Variants in NCAPH observed in about 807,000 individuals in gnomAD.
The protein encoded by NCAPH is non-SMC condensin I complex subunit H, also known as condensin complex subunit 2.
Under a neutral mutation model 85.5 loss-of-function variants are expected in NCAPH, and 38 were observed. That is an observed-to-expected ratio of 0.44 (90% CI 0.34 to 0.58). NCAPH has a LOEUF of 0.58. Ranked by LOEUF, NCAPH falls within the 20% of genes least tolerant of loss-of-function variation. The pLI is 0.01. For missense variants in NCAPH, 789 were observed against 916.6 expected (o/e 0.86, Z 1.80); for synonymous variants, 301 against 335.1 (o/e 0.90, Z 1.11).
chr2:96,351,972 C>T lies in NCAPH; in HGVS notation c.862C>T (p.Pro288Ser). The T allele has an allele frequency of 3.1e-6, 5 of 1,614,068 alleles. No individual in the cohort carries two copies. The highest frequency in any genetic ancestry group is 4.2e-6 in the Non-Finnish European group (5 of 1,179,996). ...SDVQTLSTGE[P>S]LELPELGCVE... ...TGTCCAGACTCTCTCCACGGGAGAA[C>T]CTCTCGAGTTGCCAGAGTTAGGTTG... is the stretch of plus-strand genomic sequence containing the variant. The change falls in exon 7 of 18, where the codon CCT becomes TCT. Residue 288 changes from proline to serine, a missense_variant. Transcript: ENST00000240423.
intron 6 of NCAPH, among the ~76,000 whole-genome samples, chr2:96,348,186 C>G (rs1028004863): frequency 6.6e-6 from 1 of 150,978 alleles, no homozygotes; most frequent in Non-Finnish European, 1.5e-5. Flanking sequence ...GCCAAGGTCT[C>G]TCTCTTTTTT....
At chr2:96,352,542 C>T (rs1415729553) in intron 7 of NCAPH, among the ~76,000 whole-genome samples, 2 of 152,184 alleles carry the variant, frequency 1.3e-5, no homozygotes, top group Non-Finnish European at 2.9e-5. Context: ...CCCATATACG[C>T]CTCCACGCCT....
chr2:96,372,687 C>T (rs1325387644), intron 17 of NCAPH, among the ~76,000 whole-genome samples: 3 of 152,130 alleles, frequency 2.0e-5, no homozygotes, highest in Admixed American at 2.0e-4. Context: ...CCCAGGTCAA[C>T]TGTTGGTGGT....
chr2:96,357,288 G>T (rs1434441148), intron 9 of NCAPH, among the ~76,000 whole-genome samples: 1 of 152,206 alleles, frequency 6.6e-6, no homozygotes, highest in Non-Finnish European at 1.5e-5. Flanking sequence ...AAGAAATACA[G>T]AGTTTTCCTG....
chr2:96,341,465 C>T (rs2064293184), intron 1 of NCAPH, 177 bp from the exon 2 acceptor site: 3 of 720,902 alleles, frequency 4.2e-6, no homozygotes, highest in South Asian at 2.0e-5. Flanking sequence ...CCTATGGCCT[C>T]CCCCCTGCAC....
chr2:96,362,569 G>A (rs2064639575), intron 12 of NCAPH, among the ~76,000 whole-genome samples: 1 of 144,122 alleles, frequency 6.9e-6, no homozygotes, highest in Non-Finnish European at 1.5e-5. Flanking sequence ...GGTGGAGGTT[G>A]CAGTGAACTG....
At chr2:96,343,051 C>T in intron 4 of NCAPH, 115 bp from the exon 5 acceptor site, 1 of 1,411,880 alleles carries the variant, frequency 7.1e-7, no homozygotes, top group Non-Finnish European at 9.7e-7. Flanking sequence ...ATAGAGGGAT[C>T]TTTGTCATTG....
chr2:96,345,466 C>T (rs2064350203), intron 6 of NCAPH, among the ~76,000 whole-genome samples: 1 of 152,214 alleles, frequency 6.6e-6, no homozygotes, highest in Admixed American at 6.5e-5. Context: ...GTGGGCTCTG[C>T]TGCAGCCGGG....
At position 96,375,588 on chromosome 2, in the gene NCAPH, CTG is replaced by C. The variant is rs2064823482; in HGVS notation, c.*2240_*2241del. Among the ~76,000 whole-genome samples the C allele has an allele frequency of 2.0e-5, 3 of 152,176 alleles. No individual in the cohort carries two copies. The South Asian group carries it at 6.2e-4, about 32-fold the overall frequency. On this transcript the variant is annotated 3_prime_UTR_variant, in exon 18 of 18. Transcript: ENST00000240423. ...ATCTTGGACTTCTCAGCCTCTAGAA[CTG>C]TGAACAATAAATCTATTGTTTATAA...
intron 17 of NCAPH, among the ~76,000 whole-genome samples, chr2:96,372,431 C>G (rs1421309156): frequency 6.6e-6 from 1 of 152,066 alleles, no homozygotes; most frequent in South Asian, 2.1e-4. Flanking sequence ...ATATAGTAGC[C>G]CCCTGTTTCC....
intron 1 of NCAPH, among the ~76,000 whole-genome samples, chr2:96,336,257 A>G (rs2064213370): frequency 6.6e-6 from 1 of 152,188 alleles, no homozygotes; most frequent in Non-Finnish European, 1.5e-5. Flanking sequence ...GCATGCATGC[A>G]TTTATTTTTG....
At chr2:96,359,216 T>A in intron 10 of NCAPH, 23 bp downstream of exon 10, 1 of 1,612,402 alleles carries the variant, frequency 6.2e-7, no homozygotes, top group Non-Finnish European at 8.5e-7. Flanking sequence ...AGGTGGAATT[T>A]TAAGAAAAGA....
At chr2:96,368,124 G>A (rs79715848) in intron 15 of NCAPH, among the ~76,000 whole-genome samples, 11,042 of 152,160 alleles carry the variant, frequency 0.073, 940 homozygotes, top group East Asian at 0.26. Context: ...TCTGACTTCT[G>A]CTCAGATAAT....
At chr2:96,353,024 C>G (rs963176165) in intron 7 of NCAPH, among the ~76,000 whole-genome samples, 4 of 152,226 alleles carry the variant, frequency 2.6e-5, no homozygotes, top group Admixed American at 6.5e-5. Flanking sequence ...AATCGAATGT[C>G]TGTGCTTTAG....
At chr2:96,366,606 T>C (rs2064702539) in intron 14 of NCAPH, among the ~76,000 whole-genome samples, 1 of 152,158 alleles carries the variant, frequency 6.6e-6, no homozygotes. Context: ...GGGCTGGGCG[T>C]GGTGGCTCAC....
chr2:96,342,382 A>G (rs1377711720), intron 3 of NCAPH, among the ~76,000 whole-genome samples: 1 of 152,228 alleles, frequency 6.6e-6, no homozygotes, highest in African/African-American at 2.4e-5. Flanking sequence ...TTCTGGAGCT[A>G]GCCTGAGTTG....
At position 96,354,176 on chromosome 2, in the gene NCAPH, C is replaced by T. The variant is rs752698936; in HGVS notation, c.1003-7C>T. The T allele has an allele frequency of 6.2e-7, 1 of 1,611,112 alleles. No homozygotes were observed. The highest frequency in any genetic ancestry group is 2.2e-5 in the East Asian group (1 of 44,652). On this transcript the variant is annotated splice_polypyrimidine_tract_variant and splice_region_variant and intron_variant, in intron 8 of 17. Transcript: ENST00000240423. ...GAGAATTACAGAACCCTCTTTTGTCCCTCCAGTCTGTGTCGGCCCTGGTAG... is the reference window on the plus strand; with the variant it reads ...GAGAATTACAGAACCCTCTTTTGTCTCTCCAGTCTGTGTCGGCCCTGGTAG...
chr2:96,348,582 G>A (rs1427576794), intron 6 of NCAPH, among the ~76,000 whole-genome samples: 1 of 151,914 alleles, frequency 6.6e-6, no homozygotes, highest in African/African-American at 2.4e-5. Flanking sequence ...CCCTTTCTAC[G>A]TTCCCTTCCC....
chr2:96,374,915 A>G lies in NCAPH; in HGVS notation c.*1564A>G, dbSNP rs1354035528. ...GGGGGGCTGAATTACCAGTAAAACT[A>G]GAAAGATTGGGACCAAGTGCAGTGG... On this transcript the variant is annotated 3_prime_UTR_variant, in exon 18 of 18. Transcript: ENST00000240423. Among the ~76,000 whole-genome samples the G allele has an allele frequency of 1.3e-5, 2 of 152,190 alleles. No homozygotes were observed. The highest frequency in any genetic ancestry group is 2.9e-5 in the Non-Finnish European group (2 of 68,034).
Sources: allele counts gnomAD v4.1 joint callset (sites outside exome capture counted in the v4.1 genomes callset), GRCh38; gene constraint gnomAD v4.1.1; transcripts MANE v1.5; gene names NCBI Gene and HGNC (gene_info 2026-07-23, HGNC 2026-07-21).